Variants in PEBP1 observed in about 807,000 individuals in gnomAD.
PEBP1 encodes phosphatidylethanolamine-binding protein 1.
A neutral mutation model predicts 22.7 loss-of-function variants in PEBP1; 17 were observed. That is an observed-to-expected ratio of 0.75 (90% CI 0.51 to 1.12). The LOEUF is 1.12. Ranked by LOEUF, PEBP1 falls within the 50% of genes most tolerant of loss-of-function variation. The pLI is 0.00. For missense variants in PEBP1, 205 were observed against 243.5 expected, an observed-to-expected ratio of 0.84 and a Z score of 1.05; for synonymous variants, 106 against 104.3, an observed-to-expected ratio of 1.02 and a Z score of -0.10.
At chr12:118,139,584 G>A in intron 3 of PEBP1, 33 bp downstream of exon 3, 3 of 1,409,536 alleles carry the variant, frequency 2.1e-6, no homozygotes, top group East Asian at 2.3e-5. Context: ...GGGAGGTTGG[G>A]GAGGGAGCTC....
chr12:118,136,148 C>G lies in PEBP1; in HGVS notation c.-62C>G. 6.5e-7 allele frequency: 1 copy of G among 1,532,160 alleles called. No homozygotes were observed. The allele number at this position is 1,532,160 out of a possible 1,614,324, so 94.9% of individuals were successfully genotyped here. On this transcript the variant is annotated 5_prime_UTR_variant, in exon 1 of 4. Transcript: ENST00000261313. The surrounding 1 kb of genome is among the most constrained non-coding windows in gnomAD (Gnocchi z 5.6). ...CAGTGTGCTGAGCTCTCCGCGTCGC[C>G]TCTGTCGCCCGCGCCTGGCCTACCG...
chr12:118,141,135 G>A (rs1352008898), intron 3 of PEBP1, among the ~76,000 whole-genome samples: 1 of 147,234 alleles, frequency 6.8e-6, no homozygotes, highest in Non-Finnish European at 1.5e-5. Context: ...TTTTTTTTCT[G>A]AGATGGAGTC....
At position 118,144,614 on chromosome 12, in the gene PEBP1, C is replaced by T. The variant is rs760193008; in HGVS notation, c.375C>T (p.Tyr125=). 9.3e-6 allele frequency: 15 copies of T among 1,613,574 alleles called. No homozygotes were observed. The highest frequency in any genetic ancestry group is 3.3e-5 in the South Asian group (3 of 91,000). ...TGLHRYVWLV[Y]EQDRPLKCDE... Reference sequence around the variant, plus strand: ...TCCACCGCTATGTCTGGCTGGTTTACGAGCAGGACAGGCCGCTAAAGTGTG... The same window carrying T: ...TCCACCGCTATGTCTGGCTGGTTTATGAGCAGGACAGGCCGCTAAAGTGTG... The change falls in exon 4 of 4, where the codon TAC becomes TAT. Residue 125 remains tyrosine, a synonymous_variant. Transcript: ENST00000261313.
rs757911321 is a variant in PEBP1 at position 118,136,287 on chromosome 12, T to C, written c.78T>C (p.His26=). 145 of 1,546,900 alleles carry C rather than the reference T, an allele frequency of 9.4e-5. No individual in the cohort carries two copies. The highest frequency in any genetic ancestry group is 1.1e-4 in the Non-Finnish European group (130 of 1,146,584). The change falls in exon 1 of 4, where the codon CAT becomes CAC. Residue 26 remains histidine, a synonymous_variant. Coordinates refer to ENST00000261313, the MANE Select transcript of PEBP1 (RefSeq NM_002567.4). The surrounding 1 kb of genome is among the most constrained non-coding windows in gnomAD (Gnocchi z 5.6). ...EVDEQPQHPL[H]VTYAGAAVDE... ...ACGAGCAGCCGCAGCACCCGCTGCA[T>C]GTCACCTACGCCGGGGCGGCGGTGG... is the stretch of plus-strand genomic sequence containing the variant.
intron 3 of PEBP1, among the ~76,000 whole-genome samples, chr12:118,140,609 G>A (rs1209710563): frequency 2.0e-5 from 3 of 150,796 alleles, no homozygotes; most frequent in Admixed American, 6.6e-5. Flanking sequence ...GCACGATCTC[G>A]CTCACTGCAA....
chr12:118,138,485 A>G (rs1300569017), intron 2 of PEBP1, among the ~76,000 whole-genome samples: 1 of 151,676 alleles, frequency 6.6e-6, no homozygotes, highest in African/African-American at 2.4e-5. Context: ...TGCAACCTCC[A>G]CCTCCCAGGT....
chr12:118,142,487 C>G (rs2034122104), intron 3 of PEBP1, among the ~76,000 whole-genome samples: 1 of 151,326 alleles, frequency 6.6e-6, no homozygotes, highest in Admixed American at 6.6e-5. Flanking sequence ...GCCACCATGC[C>G]TGGCAAAATT....
At chr12:118,143,608 CTT>C (rs374127990) in intron 3 of PEBP1, among the ~76,000 whole-genome samples, 3 of 152,070 alleles carry the variant, frequency 2.0e-5, no homozygotes, top group Admixed American at 6.6e-5. Context: ...TAAAAAATAA[CTT>C]TGTTTCTGGC....
chr12:118,145,167 T>TA lies in PEBP1; in HGVS notation c.*364_*365insA. ...GCATCAAAGAATCTTTAAGGGAGGT[T>TA]TAAAAAAAAAAAAAAAAAAAAAGAT... is the stretch of plus-strand genomic sequence containing the variant. On this transcript the variant is annotated 3_prime_UTR_variant, in exon 4 of 4. Transcript: ENST00000261313. 6.7e-6 allele frequency: 2 copies of TA among 298,278 alleles called. No homozygotes were observed. The highest frequency in any genetic ancestry group is 1.3e-5 in the Non-Finnish European group (2 of 159,972). 18.5% of individuals were successfully genotyped at this position (298,278 alleles called of 1,614,324 possible).
In PEBP1 at chr12:118,136,820, G is replaced by T. The variant is rs1430494367; in HGVS notation, c.135+476G>T. 6.6e-6 allele frequency among the ~76,000 whole-genome samples: 1 copy of T among 152,164 alleles called. No homozygotes were observed. Among genetic ancestry groups the T allele is most frequent in the Admixed American group, 6.5e-5 (1 of 15,270 alleles). On this transcript the variant is annotated intron_variant, in intron 1 of 3. Coordinates refer to ENST00000261313, the MANE Select transcript of PEBP1 (RefSeq NM_002567.4). This position sits in a 1 kb window ranked among gnomAD's most constrained non-coding sequence, Gnocchi z 5.6. ...TATGTAACTGGCGATGAGCGCGCCG[G>T]CCGATTTCTCCTTTGTTAAATGGGT...
intron 2 of PEBP1, among the ~76,000 whole-genome samples, chr12:118,138,349 TG>T (rs2034085337): frequency 6.6e-6 from 1 of 152,170 alleles, no homozygotes. Context: ...ACCTGTGGCC[TG>T]TTTTTATACA....
rs1407692078 is a variant in PEBP1 at position 118,145,068 on chromosome 12, T to C, written c.*265T>C. On this transcript the variant is annotated 3_prime_UTR_variant, in exon 4 of 4. Coordinates refer to ENST00000261313, the MANE Select transcript of PEBP1 (RefSeq NM_002567.4). ...TGATGGGGTCATCAAATTATTAATC[T>C]GAAAATAGCAACCCAGAATGTAAAA... 3.6e-5 allele frequency: 48 copies of C among 1,327,100 alleles called. No homozygotes were observed. Among genetic ancestry groups the C allele is most frequent in the Non-Finnish European group, 4.3e-5 (43 of 994,330 alleles). The allele number at this position is 1,327,100 out of a possible 1,614,324, so 82.2% of individuals were successfully genotyped here. A position where few individuals can be genotyped will look rare whatever the true frequency, so the allele number is the denominator to read the frequency against.
intron 3 of PEBP1, among the ~76,000 whole-genome samples, chr12:118,141,185 C>T (rs1037089647): frequency 2.0e-5 from 3 of 151,726 alleles, no homozygotes; most frequent in Admixed American, 6.6e-5. Flanking sequence ...GGCGTGATCT[C>T]GGCTCACTAC....
chr12:118,139,500 A>G lies in PEBP1; in HGVS notation c.295A>G (p.Ser99Gly). The G allele has an allele frequency of 6.2e-7, 1 of 1,613,614 alleles. No individual in the cohort carries two copies. Among genetic ancestry groups the G allele is most frequent in the Non-Finnish European group, 8.5e-7 (1 of 1,179,806 alleles). ...VVNMKGNDISSGTVLSDYVGS... is the reference protein window; with the variant it reads ...VVNMKGNDISGGTVLSDYVGS... Reference sequence around the variant, plus strand: ...CAACATGAAGGGCAATGACATCAGCAGTGGCACAGTCCTCTCCGATTATGT... The same window carrying G: ...CAACATGAAGGGCAATGACATCAGCGGTGGCACAGTCCTCTCCGATTATGT... Residue 99 changes from serine to glycine, a missense_variant, in exon 3 of 4, where the codon AGT (serine) becomes GGT (glycine). Transcript: ENST00000261313.
chr12:118,139,876 A>G (rs907902309), intron 3 of PEBP1, among the ~76,000 whole-genome samples: 4 of 152,206 alleles, frequency 2.6e-5, no homozygotes, highest in Admixed American at 2.6e-4. Context: ...TGGAATACAC[A>G]GTTAAACTAT....
rs1228842735 is a variant in PEBP1, at chr12:118,136,392, G to C, written c.135+48G>C. The C allele has an allele frequency of 2.6e-6, 4 of 1,511,450 alleles. No homozygotes were observed. Among genetic ancestry groups the C allele is most frequent in the Admixed American group, 2.1e-5 (1 of 48,044 alleles). 93.6% of individuals were successfully genotyped at this position (1,511,450 alleles called of 1,614,324 possible). A position where few individuals can be genotyped will look rare whatever the true frequency, so the allele number is the denominator to read the frequency against. ...AGCGAGCGGCACGGCGCGGAGGCCTGTGCCGGCCTCCTGGGTGGGACCCAG... is the reference window on the plus strand; with the variant it reads ...AGCGAGCGGCACGGCGCGGAGGCCTCTGCCGGCCTCCTGGGTGGGACCCAG... On this transcript the variant is annotated intron_variant, in intron 1 of 3. Coordinates refer to ENST00000261313, the MANE Select transcript of PEBP1 (RefSeq NM_002567.4). The surrounding 1 kb of genome is among the most constrained non-coding windows in gnomAD (Gnocchi z 5.6).
At position 118,141,421 on chromosome 12, in the gene PEBP1, G is replaced by A. The variant is rs192916859; in HGVS notation, c.346+1870G>A. Among the ~76,000 whole-genome samples, 367 of 152,152 alleles carry A rather than the reference G, an allele frequency of 2.4e-3. 1 individual carries two copies. Among genetic ancestry groups the A allele is most frequent in the East Asian group, 0.013 (69 of 5,176 alleles). On this transcript the variant is annotated intron_variant, in intron 3 of 3. Coordinates refer to ENST00000261313, the MANE Select transcript of PEBP1 (RefSeq NM_002567.4). ...TGAGCCACTGTGTCCAGCCACTTTC[G>A]CTATTCTTGTGTTCATATAATGGTA...
Position 118,139,542 on chromosome 12 carries a change from A to G in PEBP1, c.337A>G (p.Lys113Glu), listed in dbSNP as rs2034096784. The G allele has an allele frequency of 3.1e-6, 5 of 1,610,190 alleles. No homozygotes were observed. The East Asian group carries it at 1.1e-4, about 36-fold the overall frequency. The change falls in exon 3 of 4, where the codon AAG becomes GAG. Residue 113 changes from lysine to glutamate, a missense_variant. Physicochemically the swap from Lys to Glu is moderately conservative, Grantham distance 56. Transcript: ENST00000261313. ...LSDYVGSGPP[K>E]GTGLHRYVWL... ...CGATTATGTGGGCTCGGGGCCTCCC[A>G]AGGGCACAGGTTAGTAAAGGTTGTT...
intron 3 of PEBP1, among the ~76,000 whole-genome samples, chr12:118,143,660 G>A (rs1180065637): frequency 6.6e-6 from 1 of 152,168 alleles, no homozygotes; most frequent in Non-Finnish European, 1.5e-5. Context: ...AGCACTTTGG[G>A]AGGGCGAGAT....
Sources: gnomAD v4.1 joint callset for allele counts (sites outside exome capture counted in the v4.1 genomes callset) on GRCh38, gnomAD v4.1.1 for gene constraint, Gnocchi (gnomAD v3.1) non-coding constraint, MANE v1.5 for transcripts, NCBI Gene and HGNC (gene_info 2026-07-23, HGNC 2026-07-21) for gene names.